LHFPL2: variants seen among roughly 807,000 people sequenced by gnomAD.
LHFPL2 encodes LHFPL tetraspan subfamily member 2 protein.
Under a neutral mutation model 17.5 loss-of-function variants are expected in LHFPL2, and 7 were observed. The observed-to-expected ratio is 0.40, with a 90% confidence interval of 0.23 to 0.75. The LOEUF is 0.75. Ranked by LOEUF, LHFPL2 falls within the 30% of genes least tolerant of loss-of-function variation. LHFPL2 has a pLI of 0.37. For synonymous variants in LHFPL2, 134 were observed against 116.2 expected, an observed-to-expected ratio of 1.15 and a Z score of -0.99; for missense variants, 241 against 294.8, an observed-to-expected ratio of 0.82 and a Z score of 1.34.
intron 2 of LHFPL2, chr5:78,626,428 G>T (rs916263095): frequency 1.3e-5 from 2 of 152,230 alleles, no homozygotes; most frequent in African/African-American, 4.8e-5. Context: ...TTGCATCCGC[G>T]TAGAGAAGGG....
chr5:78,596,862 T>G (rs899533497), intron 2 of LHFPL2, among the ~76,000 whole-genome samples: 1 of 152,136 alleles, frequency 6.6e-6, no homozygotes, highest in Admixed American at 6.6e-5. Flanking sequence ...GCTCCCAAAT[T>G]TTTGCCTTCT....
chr5:78,624,814 TTTC>T (rs1204634108), intron 2 of LHFPL2: 6 of 152,042 alleles, frequency 3.9e-5, no homozygotes, highest in African/African-American at 1.5e-4. Flanking sequence ...TTTTTTTTTT[TTTC>T]TTTTTGAGAT....
intron 4 of LHFPL2, chr5:78,494,407 A>G: frequency 1.0e-6 from 1 of 985,342 alleles, no homozygotes; most frequent in African/African-American, 1.7e-5. Flanking sequence ...AGAAGGTAAC[A>G]ATTTTCATAA....
intron 2 of LHFPL2, among the ~76,000 whole-genome samples, chr5:78,578,770 T>C (rs1431801884): frequency 6.6e-6 from 1 of 152,222 alleles, no homozygotes; most frequent in African/African-American, 2.4e-5. Context: ...GAATCATCTA[T>C]GTACAAGGTT....
intron 2 of LHFPL2, among the ~76,000 whole-genome samples, chr5:78,582,726 T>G (rs1445880468): frequency 6.6e-6 from 1 of 152,212 alleles, no homozygotes; most frequent in African/African-American, 2.4e-5. Flanking sequence ...AATTTTGGAA[T>G]AGGTATGGTG....
At chr5:78,584,724 T>C (rs372640787) in intron 2 of LHFPL2, among the ~76,000 whole-genome samples, 7 of 152,128 alleles carry the variant, frequency 4.6e-5, no homozygotes, top group Non-Finnish European at 7.4e-5. Context: ...GCAGAGGTTA[T>C]TGCTGTCTTT....
chr5:78,607,274 G>T (rs1048922515), intron 2 of LHFPL2, among the ~76,000 whole-genome samples: 1 of 149,622 alleles, frequency 6.7e-6, no homozygotes, highest in Non-Finnish European at 1.5e-5. Flanking sequence ...CACCACCTCC[G>T]GCTAATTTTT....
intron 2 of LHFPL2, among the ~76,000 whole-genome samples, chr5:78,578,504 CA>C (rs1757189592): frequency 6.6e-6 from 1 of 151,854 alleles, no homozygotes; most frequent in Non-Finnish European, 1.5e-5. Context: ...GGTTCTGGTA[CA>C]GAGGTTTTGG....
intron 3 of LHFPL2, among the ~76,000 whole-genome samples, chr5:78,543,402 G>A (rs533666472): frequency 3.3e-4 from 50 of 152,244 alleles, no homozygotes; most frequent in Non-Finnish European, 5.6e-4. Flanking sequence ...CAGACAACGA[G>A]GCTGCTTCAG....
intron 4 of LHFPL2, among the ~76,000 whole-genome samples, chr5:78,499,693 C>T (rs770357591): frequency 6.6e-6 from 1 of 152,132 alleles, no homozygotes; most frequent in Non-Finnish European, 1.5e-5. Context: ...CACAGGAGTG[C>T]CGTGAGGGGT....
chr5:78,496,055 G>C (rs531488993), intron 4 of LHFPL2, among the ~76,000 whole-genome samples: 7 of 149,384 alleles, frequency 4.7e-5, no homozygotes, highest in Non-Finnish European at 1.0e-4. Context: ...CCTGCCACAG[G>C]GTTATTCTCG....
chr5:78,516,256 T>C (rs931192469), intron 3 of LHFPL2, among the ~76,000 whole-genome samples: 2 of 152,000 alleles, frequency 1.3e-5, no homozygotes, highest in Non-Finnish European at 2.9e-5. Context: ...AGGGTACGTC[T>C]AAACATGCTC....
intron 3 of LHFPL2, among the ~76,000 whole-genome samples, chr5:78,517,612 C>T (rs969314358): frequency 2.0e-5 from 3 of 152,220 alleles, no homozygotes; most frequent in Non-Finnish European, 4.4e-5. Context: ...GGCAAGGAAG[C>T]ATGTGCAGGG....
At chr5:78,630,698 G>A (rs1479508301) in intron 2 of LHFPL2, among the ~76,000 whole-genome samples, 2 of 152,152 alleles carry the variant, frequency 1.3e-5, no homozygotes, top group African/African-American at 2.4e-5. Flanking sequence ...ACCTCTACTA[G>A]GTTGTGGAAA....
chr5:78,522,278 A>G (rs531840414), intron 3 of LHFPL2, among the ~76,000 whole-genome samples: 1 of 152,082 alleles, frequency 6.6e-6, no homozygotes, highest in Non-Finnish European at 1.5e-5. Flanking sequence ...TCTACTAAAA[A>G]AAACAAAAAT....
chr5:78,512,613 G>T (rs866512506), intron 3 of LHFPL2, among the ~76,000 whole-genome samples: 53 of 151,902 alleles, frequency 3.5e-4, no homozygotes, highest in African/African-American at 1.2e-3. Flanking sequence ...GAGCCTGCAC[G>T]TACCCATCAG....
chr5:78,542,527 C>G (rs890823548), intron 3 of LHFPL2, among the ~76,000 whole-genome samples: 1 of 152,120 alleles, frequency 6.6e-6, no homozygotes, highest in African/African-American at 2.4e-5. Flanking sequence ...CTGGGCAGTT[C>G]CAGCCAAATG....
At chr5:78,588,466 T>C (rs536237054) in intron 2 of LHFPL2, among the ~76,000 whole-genome samples, 1 of 152,370 alleles carries the variant, frequency 6.6e-6, no homozygotes, top group East Asian at 1.9e-4. Context: ...CATATTGATT[T>C]AGTAACCTTG....
At chr5:78,606,117 G>A (rs1442606872) in intron 2 of LHFPL2, among the ~76,000 whole-genome samples, 1 of 152,184 alleles carries the variant, frequency 6.6e-6, no homozygotes, top group Non-Finnish European at 1.5e-5. Flanking sequence ...ACGTGCTCCT[G>A]GGTCAGGTTT....
Sources: allele counts gnomAD v4.1 joint callset (sites outside exome capture counted in the v4.1 genomes callset), GRCh38; gene constraint gnomAD v4.1.1; transcripts MANE v1.5; gene names NCBI Gene and HGNC (gene_info 2026-07-23, HGNC 2026-07-21).